ANGPT2: variants seen among roughly 807,000 people sequenced by gnomAD.
ANGPT2 encodes angiopoietin-2.
Under a neutral mutation model 62.9 loss-of-function variants are expected in ANGPT2, and 28 were observed. The ratio of observed to expected loss-of-function variants is 0.44; its 90% CI spans 0.33 to 0.61. ANGPT2 has a LOEUF of 0.61. ANGPT2 is among the 20% of genes least tolerant of loss of function. The pLI, the probability that ANGPT2 is intolerant of heterozygous loss-of-function variation, is 0.03. For missense variants in ANGPT2, 727 were observed against 594.9 expected (o/e 1.22, Z -2.31); for synonymous variants, 284 against 207.8 (o/e 1.37, Z -3.15).
At chr8:6,544,065 C>G (rs766867619) in intron 1 of ANGPT2, among the ~76,000 whole-genome samples, 11 of 152,134 alleles carry the variant, frequency 7.2e-5, no homozygotes, top group Non-Finnish European at 1.6e-4. Flanking sequence ...AAACAATATT[C>G]AATACCTAGA....
intron 6 of ANGPT2, 99 bp from the exon 7 acceptor site, chr8:6,513,943 T>G: frequency 8.6e-7 from 1 of 1,159,404 alleles, no homozygotes; most frequent in Non-Finnish European, 1.2e-6. Flanking sequence ...AACTATCAAA[T>G]AGCAGAAATT....
intron 5 of ANGPT2, among the ~76,000 whole-genome samples, chr8:6,517,713 AT>A (rs773280085): frequency 2.4e-3 from 371 of 152,286 alleles, no homozygotes; most frequent in Non-Finnish European, 3.8e-3. Flanking sequence ...GGCTGAGGGT[AT>A]CATTGTTCTG....
intron 5 of ANGPT2, among the ~76,000 whole-genome samples, chr8:6,516,184 T>G (rs4276711): frequency 0.12 from 17,799 of 152,202 alleles, 1,208 homozygotes; most frequent in African/African-American, 0.19. Context: ...ATGTAGAAAA[T>G]CAGTCTGCAC....
In ANGPT2 at chr8:6,502,977, C is replaced by A. The variant is rs140032908; in HGVS notation, c.*124G>T. The A allele has an allele frequency of 1.7e-6, 2 of 1,156,340 alleles. No individual in the cohort carries two copies. Among genetic ancestry groups the A allele is most frequent in the Non-Finnish European group, 2.5e-6 (2 of 809,204 alleles). 71.6% of individuals were successfully genotyped at this position (1,156,340 alleles called of 1,614,324 possible). On this transcript the variant is annotated 3_prime_UTR_variant, in exon 9 of 9. Coordinates refer to ENST00000629816, the MANE Select transcript of ANGPT2 (RefSeq NM_001118887.2). Reference sequence around the variant, plus strand: ...GCTCTAATCTGGAGCATGTGGGTCCCGTCAGCACCGAGCACACGCCCTCTG... The same window carrying A: ...GCTCTAATCTGGAGCATGTGGGTCCAGTCAGCACCGAGCACACGCCCTCTG...
At chr8:6,556,906 C>A (rs1426275197) in intron 1 of ANGPT2, among the ~76,000 whole-genome samples, 1 of 152,116 alleles carries the variant, frequency 6.6e-6, no homozygotes, top group Non-Finnish European at 1.5e-5. Flanking sequence ...TTTTCTTCCC[C>A]CTCTGACTTC....
chr8:6,504,314 G>A (rs532395390), intron 8 of ANGPT2, among the ~76,000 whole-genome samples: 1 of 55,116 alleles, frequency 1.8e-5, no homozygotes, highest in Non-Finnish European at 2.9e-5. Context: ...TGAGACTCCA[G>A]CTCAAAAAAA....
intron 1 of ANGPT2, among the ~76,000 whole-genome samples, chr8:6,537,037 C>T (rs895289381): frequency 2.0e-5 from 3 of 151,770 alleles, no homozygotes; most frequent in Non-Finnish European, 4.4e-5. Context: ...CCAAACTCCA[C>T]TTGCCTTTGG....
intron 1 of ANGPT2, among the ~76,000 whole-genome samples, chr8:6,537,214 G>A (rs1820659936): frequency 6.6e-6 from 1 of 152,116 alleles, no homozygotes; most frequent in African/African-American, 2.4e-5. Context: ...CTTCATATCT[G>A]AAGAGGATTA....
chr8:6,529,070 AT>A (rs1818941046), intron 2 of ANGPT2, among the ~76,000 whole-genome samples: 1 of 152,192 alleles, frequency 6.6e-6, no homozygotes, highest in Non-Finnish European at 1.5e-5. Context: ...CATGAGTAAA[AT>A]TCCGTGTGGA....
intron 1 of ANGPT2, among the ~76,000 whole-genome samples, chr8:6,533,681 C>G (rs986192181): frequency 6.8e-6 from 1 of 147,812 alleles, no homozygotes; most frequent in Non-Finnish European, 1.5e-5. Flanking sequence ...TTCCTTTTCA[C>G]ATAGTGTAAC....
At position 6,502,138 on chromosome 8, in the gene ANGPT2, T is replaced by C. The variant is rs1469479894; in HGVS notation, c.*963A>G. The C allele has an allele frequency of 6.6e-6, 1 of 152,154 alleles. No homozygotes were observed. Among genetic ancestry groups the C allele is most frequent in the African/African-American group, 2.4e-5 (1 of 41,450 alleles). The allele number at this position is 152,154 out of a possible 1,614,324, so 9.4% of individuals were successfully genotyped here. A position where few individuals can be genotyped will look rare whatever the true frequency, so the allele number is the denominator to read the frequency against. On this transcript the variant is annotated 3_prime_UTR_variant, in exon 9 of 9. Coordinates refer to ENST00000629816, the MANE Select transcript of ANGPT2 (RefSeq NM_001118887.2). ...AAGAAAACAGACCTCTGTTTTAGAA[T>C]AGTGAGAAGATAGTAAAGTTTCTTT...
rs552027714 is a variant in ANGPT2, at chr8:6,502,170, G to C, written c.*931C>G. 3 of 152,184 alleles carry C rather than the reference G, an allele frequency of 2.0e-5. No individual in the cohort carries two copies. The highest frequency in any genetic ancestry group is 4.4e-5 in the Non-Finnish European group (3 of 68,008). The allele number at this position is 152,184 out of a possible 1,614,324, so 9.4% of individuals were successfully genotyped here. On this transcript the variant is annotated 3_prime_UTR_variant, in exon 9 of 9. Coordinates refer to ENST00000629816, the MANE Select transcript of ANGPT2 (RefSeq NM_001118887.2). ...AAGATAGTAAAGTTTCTTTGTCATA[G>C]AATGAAATGTATAATTTTCCTCATC... is the stretch of plus-strand genomic sequence containing the variant.
intron 3 of ANGPT2, among the ~76,000 whole-genome samples, chr8:6,521,797 C>G (rs533457990): frequency 3.4e-4 from 52 of 152,262 alleles, no homozygotes; most frequent in African/African-American, 1.2e-3. Flanking sequence ...TTCAACTGGG[C>G]TGGACCCTTG....
intron 1 of ANGPT2, among the ~76,000 whole-genome samples, chr8:6,537,951 C>A (rs1009188636): frequency 2.0e-5 from 3 of 152,026 alleles, no homozygotes; most frequent in African/African-American, 4.8e-5. Context: ...ATCTGAGTGA[C>A]CTAAGGTGGA....
In ANGPT2 at chr8:6,556,219, C is replaced by T. The variant is rs1168894402; in HGVS notation, c.288+6428G>A. Among the ~76,000 whole-genome samples, 20 of 152,018 alleles carry T rather than the reference C, an allele frequency of 1.3e-4. 1 individual carries two copies. Among genetic ancestry groups the T allele is most frequent in the Admixed American group, 1.2e-3 (19 of 15,278 alleles). On this transcript the variant is annotated intron_variant, in intron 1 of 8. Transcript: ENST00000629816. Reference sequence around the variant, plus strand: ...AATATGTACTATATAATAAGTACTACAGCATATACAGTGTTTACATACATA... The same window carrying T: ...AATATGTACTATATAATAAGTACTATAGCATATACAGTGTTTACATACATA...
chr8:6,528,855 A>C (rs1299955601), intron 2 of ANGPT2, among the ~76,000 whole-genome samples: 3 of 152,232 alleles, frequency 2.0e-5, no homozygotes, highest in African/African-American at 7.2e-5. Flanking sequence ...GGATGGTCTT[A>C]TCCTTAGAGC....
intron 1 of ANGPT2, among the ~76,000 whole-genome samples, chr8:6,550,834 C>T (rs975008138): frequency 6.6e-6 from 1 of 152,114 alleles, no homozygotes; most frequent in Non-Finnish European, 1.5e-5. Flanking sequence ...AAGCACATGG[C>T]GTGCACCTGA....
Position 6,524,369 on chromosome 8 carries a change from C to A in ANGPT2, c.567-2959G>T, listed in dbSNP as rs1316752744. ...TCTATACATTTCACTAGCTTTTCTG[C>A]GAAGGCATATGAAGAGCAGAGAAAC... is the stretch of plus-strand genomic sequence containing the variant. On this transcript the variant is annotated intron_variant, in intron 3 of 8. Transcript: ENST00000629816. Among the ~76,000 whole-genome samples, 3 of 152,184 alleles carry A rather than the reference C, an allele frequency of 2.0e-5. No homozygotes were observed. In the East Asian group the frequency reaches 5.8e-4, roughly 29 times the overall value.
At chr8:6,503,496 C>T (rs1440630372) in intron 8 of ANGPT2, among the ~76,000 whole-genome samples, 2 of 152,180 alleles carry the variant, frequency 1.3e-5, no homozygotes. Context: ...CACCTTTTCC[C>T]TTGTGCTGTG....
Sources: allele counts gnomAD v4.1 joint callset (sites outside exome capture counted in the v4.1 genomes callset), GRCh38; gene constraint gnomAD v4.1.1; transcripts MANE v1.5; gene names NCBI Gene and HGNC (gene_info 2026-07-23, HGNC 2026-07-21).